The following DENND2C variants were observed in gnomAD, a reference collection of about 807,000 sequenced individuals.
The protein encoded by DENND2C is DENN domain containing 2C.
DENND2C carries 72 observed loss-of-function variants against 112.4 expected under a neutral mutation model. The ratio of observed to expected loss-of-function variants is 0.64; its 90% CI spans 0.53 to 0.78. The LOEUF is 0.78. Among genes scored for constraint, DENND2C ranks in the 30% least tolerant of loss-of-function variants. The probability of loss-of-function intolerance (pLI) is 0.00; values close to 1 mark genes in which losing one functional copy is unlikely to be tolerated. For synonymous variants in DENND2C, 329 were observed against 381.6 expected (o/e 0.86, Z 1.61); for missense variants, 992 against 1,113.8 (o/e 0.89, Z 1.56).
rs889735916 is a variant in DENND2C at position 114,622,987 on chromosome 1, C to CTTGGGTGCT, written c.1047_1055dup (p.Ala350_Lys352dup). 6.8e-6 allele frequency: 11 copies of CTTGGGTGCT among 1,607,292 alleles called. No homozygotes were observed. The highest frequency in any genetic ancestry group is 3.4e-5 in the Admixed American group (2 of 59,402). On this transcript the variant is annotated inframe_insertion and splice_region_variant, in exon 6 of 21. Transcript: ENST00000393274. ...TCTTCAATTCATTATCTGGTTATAC[C>CTTGGGTGCT]TTGGGTGCTTTAAAAGCACTTTTAG... is the stretch of plus-strand genomic sequence containing the variant.
Position 114,603,103 on chromosome 1 carries a change from C to T in DENND2C, c.1668-909G>A, listed in dbSNP as rs565088876. 1.0e-3 allele frequency among the ~76,000 whole-genome samples: 154 copies of T among 151,614 alleles called. 1 individual carries two copies. Among genetic ancestry groups the T allele is most frequent in the Non-Finnish European group, 1.2e-3 (80 of 67,936 alleles). ...TTTACAAAATGAAAACCTAAATATA[C>T]CCAAGAAAGAAACTCAGACTCAATA... On this transcript the variant is annotated intron_variant, in intron 11 of 20. Coordinates refer to ENST00000393274, the MANE Select transcript of DENND2C (RefSeq NM_001256404.2).
intron 17 of DENND2C, chr1:114,595,570 G>A (rs1655321563): frequency 2.7e-6 from 1 of 374,720 alleles, no homozygotes; most frequent in African/African-American, 2.1e-5. Context: ...GACCCACCTG[G>A]AGTTGAAGGG....
At chr1:114,641,297 A>G (rs1226772608) in intron 3 of DENND2C, among the ~76,000 whole-genome samples, 1 of 151,890 alleles carries the variant, frequency 6.6e-6, no homozygotes, top group African/African-American at 2.4e-5. Context: ...AAGAAAAAAA[A>G]TCGCTTTGAA....
chr1:114,617,105 G>C (rs1441996036), intron 8 of DENND2C, among the ~76,000 whole-genome samples: 5 of 152,016 alleles, frequency 3.3e-5, no homozygotes. Flanking sequence ...ACTTCCCCCT[G>C]GGTCCCTCCC....
rs185290559 is a variant in DENND2C at position 114,657,249 on chromosome 1, T to G, written c.-573-2488A>C. Among the ~76,000 whole-genome samples, 983 of 152,274 alleles carry G rather than the reference T, an allele frequency of 6.5e-3. 14 individuals carry two copies. The highest frequency in any genetic ancestry group is 0.022 in the African/African-American group (926 of 41,504). On this transcript the variant is annotated intron_variant, in intron 1 of 20. Transcript: ENST00000393274. ...TCCATGTCAACTTTTCAAACTCATT[T>G]TTTTCTTTTGTTTGTTTGTTTGTTT...
chr1:114,632,175 GT>G (rs1656509248), intron 3 of DENND2C, among the ~76,000 whole-genome samples: 1 of 152,182 alleles, frequency 6.6e-6, no homozygotes, highest in Non-Finnish European at 1.5e-5. Context: ...ACATCAAGTG[GT>G]TTTGCTTTAC....
intron 3 of DENND2C, among the ~76,000 whole-genome samples, chr1:114,626,754 C>T (rs1170636112): frequency 5.3e-5 from 8 of 151,940 alleles, no homozygotes; most frequent in Admixed American, 5.2e-4. Context: ...TTCAAGCAAT[C>T]CACCCCCTTG....
At chr1:114,617,178 A>C (rs1655994109) in intron 8 of DENND2C, among the ~76,000 whole-genome samples, 1 of 152,166 alleles carries the variant, frequency 6.6e-6, no homozygotes, top group Admixed American at 6.5e-5. Flanking sequence ...ACACAGCCAA[A>C]CCATATCCCC....
At position 114,608,684 on chromosome 1, in the gene DENND2C, A is replaced by C. The variant is rs774080871; in HGVS notation, c.1557+2T>G. 9 of 1,613,190 alleles carry C rather than the reference A, an allele frequency of 5.6e-6. No individual in the cohort carries two copies. In the South Asian group the frequency reaches 9.9e-5, roughly 18 times the overall value. On this transcript the variant is annotated splice_donor_variant, in intron 10 of 20. Transcript: ENST00000393274. LOFTEE classifies it high-confidence loss of function. ...AATGCCTCTTGGCCTCCTTGTGCCT[A>C]CCTTGCCAGGGAATTGTTGTATGAC...
intron 3 of DENND2C, among the ~76,000 whole-genome samples, chr1:114,637,618 G>T (rs944780727): frequency 2.0e-5 from 3 of 151,658 alleles, no homozygotes; most frequent in African/African-American, 4.8e-5. Context: ...TCGGGTTCAA[G>T]CAATTCTTGT....
In DENND2C at chr1:114,625,377, C is replaced by T. The variant is rs756747763; in HGVS notation, c.608G>A (p.Cys203Tyr). The change falls in exon 4 of 21, where the codon TGT becomes TAT. Residue 203 changes from cysteine (C) to tyrosine (Y), a missense_variant. Coordinates refer to ENST00000393274, the MANE Select transcript of DENND2C (RefSeq NM_001256404.2). ...TGGCAAAGGATTTATGGAAGGTCCACATTCTTGCCCCTCAGGTTCAGAGTA... is the reference window on the plus strand; with the variant it reads ...TGGCAAAGGATTTATGGAAGGTCCATATTCTTGCCCCTCAGGTTCAGAGTA... Reference protein sequence around the residue: ...NIYSEPEGQECGPSINPLPKP... With the variant: ...NIYSEPEGQEYGPSINPLPKP... 44 of 1,614,176 alleles carry T rather than the reference C, an allele frequency of 2.7e-5. No individual in the cohort carries two copies. Among genetic ancestry groups the T allele is most frequent in the South Asian group, 2.1e-4 (19 of 91,088 alleles).
chr1:114,595,628 C>A, intron 17 of DENND2C: 1 of 502,224 alleles, frequency 2.0e-6, no homozygotes, highest in Non-Finnish European at 3.6e-6. Context: ...CCTCCTTCCT[C>A]CTTTGGGATA....
At chr1:114,610,956 T>G in intron 9 of DENND2C, 117 bp downstream of exon 9, 1 of 1,159,174 alleles carries the variant, frequency 8.6e-7, no homozygotes. Context: ...AATAAGGAAA[T>G]CATCTACAAA....
chr1:114,603,747 C>T (rs1308458114), intron 11 of DENND2C, among the ~76,000 whole-genome samples: 2 of 151,650 alleles, frequency 1.3e-5, no homozygotes, highest in East Asian at 3.9e-4. Context: ...TGCTATGTTG[C>T]CCAGGATGGT....
rs201976495 is a variant in DENND2C at position 114,599,282 on chromosome 1, T to C, written c.2275A>G (p.Ile759Val). ...CCATTCTTCTATCTCACCTCTTCAA[T>C]GGGTAGGTCCTGGAGCTGTGGTAAG... ...CSLPQLQDLP[I>V]EEVLIVDLCA... Residue 759 changes from isoleucine (I) to valine (V), a missense_variant, in exon 16 of 21, where the codon ATT (isoleucine) becomes GTT (valine). By Grantham distance (29) the Ile-to-Val change is conservative. This residue lies in a region of DENND2C where 516 missense variants were observed against 623.6 expected (regional missense o/e 0.83). Coordinates refer to ENST00000393274, the MANE Select transcript of DENND2C (RefSeq NM_001256404.2). 4.4e-6 allele frequency: 7 copies of C among 1,606,318 alleles called. No individual in the cohort carries two copies. In the East Asian group the frequency reaches 1.6e-4, roughly 36 times the overall value.
intron 1 of DENND2C, among the ~76,000 whole-genome samples, chr1:114,656,093 G>A (rs1285939232): frequency 1.3e-5 from 2 of 151,228 alleles, no homozygotes; most frequent in Admixed American, 6.6e-5. Context: ...CGGAGATGGG[G>A]GTCTTGCTCT....
At chr1:114,605,489 T>C (rs1313662809) in intron 10 of DENND2C, among the ~76,000 whole-genome samples, 1 of 152,132 alleles carries the variant, frequency 6.6e-6, no homozygotes. Flanking sequence ...TTTGAAATGG[T>C]AGATGAATGT....
chr1:114,668,520 A>AACACACACACAC lies in DENND2C; in HGVS notation c.-574+1451_-574+1462dup, dbSNP rs71580644. ...ATTTAAAAAACGTACTGCCACATTC[A>AACACACACACAC]ACACACACACACACACACACACACA... On this transcript the variant is annotated intron_variant, in intron 1 of 20. Transcript: ENST00000393274. 3.9e-3 allele frequency among the ~76,000 whole-genome samples: 580 copies of AACACACACACAC among 146,950 alleles called. 1 individual carries two copies. Among genetic ancestry groups the AACACACACACAC allele is most frequent in the Non-Finnish European group, 5.5e-3 (368 of 66,846 alleles).
chr1:114,636,283 A>G (rs1218664603), intron 3 of DENND2C, among the ~76,000 whole-genome samples: 2 of 152,234 alleles, frequency 1.3e-5, no homozygotes, highest in Non-Finnish European at 2.9e-5. Context: ...TGATATCACA[A>G]TAAGTGGTAA....
Sources: allele counts gnomAD v4.1 joint callset (sites outside exome capture counted in the v4.1 genomes callset), GRCh38; gene constraint gnomAD v4.1.1; regional missense constraint gnomAD v4.1.1; transcripts MANE v1.5; gene names NCBI Gene and HGNC (gene_info 2026-07-23, HGNC 2026-07-21).